Variants in VPS13C observed in about 807,000 individuals in gnomAD.
VPS13C encodes intermembrane lipid transfer protein VPS13C.
Under a neutral mutation model 456.8 loss-of-function variants are expected in VPS13C, and 358 were observed. The observed-to-expected ratio is 0.78, with a 90% CI of 0.72 to 0.86. The LOEUF is 0.86. VPS13C is among the 40% of genes least tolerant of loss of function. VPS13C has a pLI of 0.00. For missense variants in VPS13C, 4,818 were observed against 4,385.4 expected, an observed-to-expected ratio of 1.10 and a Z score of -2.79; for synonymous variants, 1,578 against 1,486.7, an observed-to-expected ratio of 1.06 and a Z score of -1.41.
At chr15:62,051,230 A>T (rs765111252) in intron 1 of VPS13C, among the ~76,000 whole-genome samples, 1 of 152,236 alleles carries the variant, frequency 6.6e-6, no homozygotes, top group Non-Finnish European at 1.5e-5. Flanking sequence ...CTTCTTACTG[A>T]TTCTCCTCAG....
At chr15:61,894,529 TAGA>T (rs2042746541) in intron 66 of VPS13C, among the ~76,000 whole-genome samples, 1 of 150,668 alleles carries the variant, frequency 6.6e-6, no homozygotes, top group African/African-American at 2.4e-5. Flanking sequence ...CGTGAAGGGA[TAGA>T]AGAAGATATT....
intron 34 of VPS13C, among the ~76,000 whole-genome samples, chr15:61,962,161 T>C (rs2045230333): frequency 6.6e-6 from 1 of 152,146 alleles, no homozygotes; most frequent in East Asian, 1.9e-4. Flanking sequence ...TTCATTATAT[T>C]GTAGCAAAAA....
intron 39 of VPS13C, among the ~76,000 whole-genome samples, chr15:61,951,225 T>C (rs1788500545): frequency 6.6e-6 from 1 of 151,964 alleles, no homozygotes; most frequent in African/African-American, 2.4e-5. Flanking sequence ...AAAACAAAAA[T>C]ACTAGTACCC....
Position 61,873,262 on chromosome 15 carries a change from C to T in VPS13C, c.10562G>A (p.Gly3521Glu). 1 of 1,613,572 alleles carries T rather than the reference C, an allele frequency of 6.2e-7. No individual in the cohort carries two copies. Among genetic ancestry groups the T allele is most frequent in the Non-Finnish European group, 8.5e-7 (1 of 1,179,654 alleles). ...RDFGDSLARG[G>E]KGFLRGVVGG... Reference sequence around the variant, plus strand: ...AGAACTTACTCGCAGAAAGCCCTTTCCTCCTCTGGCCAGGCTGTCTCCAAA... The same window carrying T: ...AGAACTTACTCGCAGAAAGCCCTTTTCTCCTCTGGCCAGGCTGTCTCCAAA... The change falls in exon 78 of 85, where the codon GGA becomes GAA. Residue 3521 changes from glycine to glutamate, a missense_variant. Around this residue, in one of 3 missense-constraint regions of VPS13C, gnomAD observed 4,552 missense variants for 4,130.6 expected, o/e 1.10. Coordinates refer to ENST00000644861, the MANE Select transcript of VPS13C (RefSeq NM_020821.3).
intron 38 of VPS13C, among the ~76,000 whole-genome samples, chr15:61,953,472 G>A (rs1467949822): frequency 7.0e-6 from 1 of 143,878 alleles, no homozygotes; most frequent in Non-Finnish European, 1.5e-5. Flanking sequence ...TCCCACCTAT[G>A]AGTGAGAATA....
At position 62,013,943 on chromosome 15, in the gene VPS13C, A is replaced by G. The variant is rs116305045; in HGVS notation, c.734T>C (p.Ile245Thr). The G allele has an allele frequency of 1.7e-4, 270 of 1,608,534 alleles. 1 individual carries two copies. In the East Asian group the frequency reaches 5.9e-3, roughly 35 times the overall value. The stretch of plus-strand genomic sequence containing the variant: ...ATTCCAACATAATACCTTGTATATA[A>G]TTTTGTCTGCTTCATTTAATATGCA... ...TPCILNEADKIIYKLIRLDSL... is the reference protein window; with the variant it reads ...TPCILNEADKTIYKLIRLDSL... The change falls in exon 10 of 85, where the codon ATT becomes ACT. Residue 245 changes from isoleucine (I) to threonine (T), a missense_variant. Ile to Thr is a moderately conservative substitution (Grantham distance 89). Around this residue, in one of 3 missense-constraint regions of VPS13C, gnomAD observed 4,552 missense variants for 4,130.6 expected, o/e 1.10. Transcript: ENST00000644861.
Position 61,981,118 on chromosome 15 carries a change from T to A in VPS13C, c.2166+224A>T, listed in dbSNP as rs555620262. Among the ~76,000 whole-genome samples the A allele has an allele frequency of 1.0e-3, 153 of 152,312 alleles. No individual in the cohort carries two copies. Among genetic ancestry groups the A allele is most frequent in the African/African-American group, 3.6e-3 (149 of 41,576 alleles). On this transcript the variant is annotated intron_variant, in intron 22 of 84. Coordinates refer to ENST00000644861, the MANE Select transcript of VPS13C (RefSeq NM_020821.3). ...TTAGGAAAAGGCAGATGTAATCCAG[T>A]CCTTACTGTCAAATCACCCTACCAC... is the stretch of plus-strand genomic sequence containing the variant.
chr15:62,010,192 A>G (rs1325020768), intron 13 of VPS13C, among the ~76,000 whole-genome samples: 1 of 152,032 alleles, frequency 6.6e-6, no homozygotes, highest in Admixed American at 6.6e-5. Flanking sequence ...TCCATCTCAA[A>G]AAAAAAAAAT....
At position 61,858,142 on chromosome 15, in the gene VPS13C, A is replaced by T. The variant is rs1894022279; in HGVS notation, c.10953-1733T>A. On this transcript the variant is annotated intron_variant, in intron 82 of 84. Coordinates refer to ENST00000644861, the MANE Select transcript of VPS13C (RefSeq NM_020821.3). This position sits in a 1 kb window ranked among gnomAD's most constrained non-coding sequence, Gnocchi z 4.4. The stretch of plus-strand genomic sequence containing the variant: ...ACAATTCACTATTCCAAATATCTTT[A>T]AACTCTTCTCTTTACCATCCCAATA... Among the ~76,000 whole-genome samples the T allele has an allele frequency of 6.6e-6, 1 of 152,226 alleles. No individual in the cohort carries two copies. The highest frequency in any genetic ancestry group is 1.9e-4 in the East Asian group (1 of 5,170).
intron 20 of VPS13C, 29 bp from the exon 21 acceptor site, chr15:61,982,602 A>T: frequency 2.0e-6 from 3 of 1,477,184 alleles, no homozygotes; most frequent in Non-Finnish European, 2.8e-6. Flanking sequence ...AACATAACCA[A>T]GTTACACATG....
chr15:62,038,978 G>A (rs994508884), intron 3 of VPS13C, among the ~76,000 whole-genome samples: 1 of 152,144 alleles, frequency 6.6e-6, no homozygotes, highest in African/African-American at 2.4e-5. Flanking sequence ...ACAGAGGAGA[G>A]GGACTACTTG....
intron 15 of VPS13C, 148 bp from the exon 16 acceptor site, chr15:62,000,774 T>C: frequency 1.9e-6 from 1 of 523,474 alleles, no homozygotes; most frequent in Non-Finnish European, 3.1e-6. Flanking sequence ...TATTCTAGAC[T>C]TTTAAATTTT....
intron 24 of VPS13C, 36 bp downstream of exon 24, chr15:61,977,046 G>T (rs757558425): frequency 4.2e-6 from 6 of 1,444,820 alleles, no homozygotes; most frequent in Non-Finnish European, 5.8e-6. Flanking sequence ...TATTTCACCT[G>T]TTGATTTTCT....
At chr15:61,971,265 C>T (rs532010103) in intron 27 of VPS13C, among the ~76,000 whole-genome samples, 1 of 152,098 alleles carries the variant, frequency 6.6e-6, no homozygotes, top group East Asian at 1.9e-4. Flanking sequence ...TTTTATTTTA[C>T]TTTATTTTAT....
At chr15:61,865,399 A>C (rs1894470898) in intron 81 of VPS13C, 1 of 983,422 alleles carries the variant, frequency 1.0e-6, no homozygotes, top group African/African-American at 1.7e-5. Context: ...TAAAAATGTT[A>C]ATGAGGCATT....
intron 13 of VPS13C, 67 bp from the exon 14 acceptor site, chr15:62,008,828 C>A (rs932890118): frequency 8.9e-6 from 9 of 1,008,106 alleles, no homozygotes; most frequent in Non-Finnish European, 1.2e-5. Flanking sequence ...AAATTTAATT[C>A]TATTTTTTAG....
chr15:62,050,199 G>A (rs951394172), intron 1 of VPS13C, among the ~76,000 whole-genome samples: 2 of 152,172 alleles, frequency 1.3e-5, no homozygotes, highest in Middle Eastern at 3.2e-3. Context: ...AATTGGAGAT[G>A]AATAAACTTA....
At chr15:61,946,235 G>A in intron 44 of VPS13C, 72 bp downstream of exon 44, 4 of 1,153,150 alleles carry the variant, frequency 3.5e-6, no homozygotes, top group Non-Finnish European at 4.9e-6. Context: ...TGTATACTGT[G>A]CAAATAAATA....
chr15:61,874,422 A>G (rs1366321380), intron 77 of VPS13C, among the ~76,000 whole-genome samples: 1 of 152,076 alleles, frequency 6.6e-6, no homozygotes, highest in Non-Finnish European at 1.5e-5. Flanking sequence ...GTATACATTT[A>G]TCAAAATATC....
Sources: gnomAD v4.1 joint callset for allele counts (sites outside exome capture counted in the v4.1 genomes callset) on GRCh38, gnomAD v4.1.1 for gene constraint, gnomAD v4.1.1 regional missense constraint, Gnocchi (gnomAD v3.1) non-coding constraint, MANE v1.5 for transcripts, NCBI Gene and HGNC (gene_info 2026-07-23, HGNC 2026-07-21) for gene names.